The following PRR23E variants were observed in gnomAD, a reference collection of about 807,000 sequenced individuals.
PRR23E encodes the protein PRR23 family member E.
At chr3:127,194,920 T>C in the PRR23E span, among the ~76,000 whole-genome samples, 40 of 152,316 alleles carry the variant, frequency 2.6e-4, no homozygotes, top group African/African-American at 9.6e-4. Flanking sequence ...TGAATGCTTC[T>C]TCAGCCACAC....
the PRR23E span, among the ~76,000 whole-genome samples, chr3:127,195,718 G>T: frequency 6.6e-6 from 1 of 152,054 alleles, no homozygotes; most frequent in Non-Finnish European, 1.5e-5. Context: ...GGTCCTGACC[G>T]CACCAGCCTC....
the PRR23E span, chr3:127,196,838 T>C: frequency 6.3e-7 from 1 of 1,599,002 alleles, no homozygotes; most frequent in Non-Finnish European, 8.5e-7. Flanking sequence ...GAGCCCAGCC[T>C]GTAACTGACC....
chr3:127,196,537 T>C, the PRR23E span: 3 of 1,034,404 alleles, frequency 2.9e-6, no homozygotes, highest in East Asian at 3.3e-5. Context: ...TCCCATCCCC[T>C]CCTGTGCGAC....
At chr3:127,193,462 C>G in the PRR23E span, among the ~76,000 whole-genome samples, 26 of 152,128 alleles carry the variant, frequency 1.7e-4, no homozygotes, top group East Asian at 4.3e-3. Flanking sequence ...GTGTCCGCGT[C>G]GCACCCCACC....
chr3:127,193,457 C>G, the PRR23E span, among the ~76,000 whole-genome samples: 1 of 152,026 alleles, frequency 6.6e-6, no homozygotes, highest in East Asian at 1.9e-4. Flanking sequence ...TGAAAGTGTC[C>G]GCGTCGCACC....
chr3:127,197,416 C>T, the PRR23E span: 2 of 1,541,386 alleles, frequency 1.3e-6, no homozygotes, highest in Non-Finnish European at 8.7e-7. Context: ...GAGTGCTAAT[C>T]AGCCCTCTAG....
the PRR23E span, chr3:127,196,744 C>G: frequency 6.3e-7 from 1 of 1,595,360 alleles, no homozygotes; most frequent in East Asian, 2.2e-5. Context: ...GCCTTCGAGG[C>G]CTCCGAGGAA....
chr3:127,193,621 T>A, the PRR23E span, among the ~76,000 whole-genome samples: 2 of 152,126 alleles, frequency 1.3e-5, no homozygotes, highest in African/African-American at 4.8e-5. Context: ...ATTAATGTGT[T>A]CTCTGTTCTG....
At chr3:127,194,476 G>A in the PRR23E span, among the ~76,000 whole-genome samples, 1 of 152,218 alleles carries the variant, frequency 6.6e-6, no homozygotes, top group East Asian at 1.9e-4. Context: ...CGTATCACAG[G>A]CCAGAAGTAC....
At chr3:127,197,061 AACC>A in the PRR23E span, 1 of 1,595,236 alleles carries the variant, frequency 6.3e-7, no homozygotes, top group Non-Finnish European at 8.5e-7. Context: ...CTTGGCCCCC[AACC>A]TATTTCCTTT....
the PRR23E span, among the ~76,000 whole-genome samples, chr3:127,194,386 T>C: frequency 6.6e-6 from 1 of 152,206 alleles, no homozygotes; most frequent in Non-Finnish European, 1.5e-5. Context: ...CGAATTTGTG[T>C]TGGGCCATAT....
chr3:127,196,124 T>G, the PRR23E span, among the ~76,000 whole-genome samples: 1 of 152,264 alleles, frequency 6.6e-6, no homozygotes, highest in Non-Finnish European at 1.5e-5. Flanking sequence ...GGTCCTGCTT[T>G]GTGGGGCAAG....
the PRR23E span, chr3:127,196,605 G>A: frequency 1.2e-5 from 17 of 1,460,982 alleles, no homozygotes; most frequent in Admixed American, 4.7e-5. Context: ...CAGGAGCCCC[G>A]TGAGGTGCGT....
the PRR23E span, among the ~76,000 whole-genome samples, chr3:127,194,701 G>A: frequency 6.6e-6 from 1 of 152,176 alleles, no homozygotes; most frequent in Non-Finnish European, 1.5e-5. Flanking sequence ...TGGGCCATTT[G>A]GTCAGTGGTC....
the PRR23E span, chr3:127,196,866 A>G: frequency 1.3e-6 from 2 of 1,599,350 alleles, no homozygotes; most frequent in Non-Finnish European, 1.7e-6. Context: ...CTGGCCTGTC[A>G]TCTACTCCTG....
the PRR23E span, chr3:127,196,584 C>A: frequency 6.9e-7 from 1 of 1,446,314 alleles, no homozygotes. Context: ...GTCTGCTCAC[C>A]CCACAGATAC....
the PRR23E span, among the ~76,000 whole-genome samples, chr3:127,195,812 TAA>T: frequency 1.7e-4 from 26 of 152,144 alleles, no homozygotes; most frequent in Non-Finnish European, 7.4e-5. Flanking sequence ...CCTTGTCACC[TAA>T]GACAGTCAAA....
chr3:127,194,614 G>A, the PRR23E span, among the ~76,000 whole-genome samples: 3 of 152,114 alleles, frequency 2.0e-5, no homozygotes, highest in South Asian at 2.1e-4. Flanking sequence ...AGTGCATTTC[G>A]GTTTCCTCCT....
At chr3:127,193,693 G>A in the PRR23E span, among the ~76,000 whole-genome samples, 1 of 152,166 alleles carries the variant, frequency 6.6e-6, no homozygotes, top group African/African-American at 2.4e-5. Flanking sequence ...TTCGGACAAG[G>A]AAATCGGGTT....
Sources: allele counts gnomAD v4.1 joint callset (sites outside exome capture counted in the v4.1 genomes callset), GRCh38; gene constraint gnomAD v4.1.1; transcripts MANE v1.5; gene names NCBI Gene and HGNC (gene_info 2026-07-23, HGNC 2026-07-21).